GDPD5: variants seen among roughly 807,000 people sequenced by gnomAD.
GDPD5 encodes glycerophosphodiester phosphodiesterase domain containing 5, also known as glycerophosphodiester phosphodiesterase 2.
GDPD5 carries 48 observed loss-of-function variants against 75.1 expected under a neutral mutation model. The observed-to-expected ratio is 0.64, with a 90% CI of 0.51 to 0.81. The LOEUF is 0.81. Ranked by LOEUF, GDPD5 falls within the 40% of genes least tolerant of loss-of-function variation. The probability of loss-of-function intolerance (pLI) is 0.00; values close to 1 mark genes in which losing one functional copy is unlikely to be tolerated. For synonymous variants in GDPD5, 336 were observed against 339.0 expected (o/e 0.99, Z 0.10); for missense variants, 706 against 822.6 (o/e 0.86, Z 1.73).
chr11:75,462,912 G>T (rs1949444877), intron 3 of GDPD5, 23 bp from the exon 4 acceptor site: 2 of 1,591,038 alleles, frequency 1.3e-6, no homozygotes, highest in Admixed American at 3.4e-5. Context: ...AGGAGGAGGG[G>T]ATTAAGTGGG....
Position 75,477,729 on chromosome 11 carries a change from T to C in GDPD5, c.7A>G (p.Arg3Gly). 6.4e-7 allele frequency: 1 copy of C among 1,569,886 alleles called. No homozygotes were observed. The highest frequency in any genetic ancestry group is 8.7e-7 in the Non-Finnish European group (1 of 1,148,288). Residue 3 changes from arginine (R) to glycine (G), a missense_variant, in exon 3 of 17, where the codon AGA (arginine) becomes GGA (glycine). Coordinates refer to ENST00000336898, the MANE Select transcript of GDPD5 (RefSeq NM_030792.8). MV[R>G]HQPLQYYEPQ... ...TCGTAGTACTGCAGGGGCTGGTGTC[T>C]CACCATACTCGTGCCCACGGCCCTG...
chr11:75,497,680 G>A (rs993497928), intron 1 of GDPD5, among the ~76,000 whole-genome samples: 1 of 152,216 alleles, frequency 6.6e-6, no homozygotes, highest in Non-Finnish European at 1.5e-5. Context: ...TATCAGATGA[G>A]TTAATGAGTT....
At chr11:75,522,570 A>C (rs1434499207) in intron 1 of GDPD5, among the ~76,000 whole-genome samples, 1 of 151,736 alleles carries the variant, frequency 6.6e-6, no homozygotes, top group East Asian at 1.9e-4. Flanking sequence ...TGCCTGTGGG[A>C]CCATCTGGCC....
At chr11:75,522,669 C>T (rs891579324) in intron 1 of GDPD5, among the ~76,000 whole-genome samples, 12 of 152,124 alleles carry the variant, frequency 7.9e-5, no homozygotes, top group Non-Finnish European at 1.6e-4. Flanking sequence ...CCTGCCTGCC[C>T]CCCCATATCC....
intron 1 of GDPD5, among the ~76,000 whole-genome samples, chr11:75,521,580 T>C (rs148850984): frequency 6.6e-6 from 1 of 152,348 alleles, no homozygotes; most frequent in East Asian, 1.9e-4. Flanking sequence ...ATATCATCAC[T>C]GTAGTATTGT....
chr11:75,458,673 A>AAAAT (rs71036053), intron 4 of GDPD5, among the ~76,000 whole-genome samples: 47 of 147,410 alleles, frequency 3.2e-4, no homozygotes, highest in East Asian at 1.2e-3. Context: ...CTCTGTCTCA[A>AAAAT]AAATAAATAA....
chr11:75,435,531 G>C lies in GDPD5; in HGVS notation c.1794C>G (p.Thr598=). ...GPRGGGSHTK[T]LIERSGR is the part of the protein sequence containing the mutation. ...GCTAACGCCCACTCCGCTCTATGAG[G>C]GTCTTGGTGTGGCTGCCACCCCCTC... is the stretch of plus-strand genomic sequence containing the variant. Residue 598 remains threonine, a synonymous_variant, in exon 17 of 17, where the codon ACC becomes ACG. Coordinates refer to ENST00000336898, the MANE Select transcript of GDPD5 (RefSeq NM_030792.8). 6.2e-7 allele frequency: 1 copy of C among 1,611,872 alleles called. No individual in the cohort carries two copies. Among genetic ancestry groups the C allele is most frequent in the Non-Finnish European group, 8.5e-7 (1 of 1,179,068 alleles).
chr11:75,518,308 A>G (rs1244114363), intron 1 of GDPD5, among the ~76,000 whole-genome samples: 1 of 152,154 alleles, frequency 6.6e-6, no homozygotes, highest in East Asian at 1.9e-4. Flanking sequence ...CACTCCCCTC[A>G]TCTCTCCAGG....
At chr11:75,484,401 C>G (rs560998894) in intron 2 of GDPD5, among the ~76,000 whole-genome samples, 4 of 152,336 alleles carry the variant, frequency 2.6e-5, no homozygotes, top group African/African-American at 9.6e-5. Context: ...GCCCTCTCCA[C>G]TCCTACCCAG....
intron 1 of GDPD5, among the ~76,000 whole-genome samples, chr11:75,514,322 T>C (rs1218248410): frequency 6.6e-6 from 1 of 152,188 alleles, no homozygotes; most frequent in African/African-American, 2.4e-5. Context: ...GGGTCTTCAG[T>C]CAGAACTACA....
At chr11:75,450,933 A>T (rs918254376) in intron 6 of GDPD5, 5 of 152,064 alleles carry the variant, frequency 3.3e-5, no homozygotes, top group African/African-American at 1.2e-4. Flanking sequence ...CTCGTCTCCC[A>T]TCTCCCTCCA....
At chr11:75,469,596 C>T (rs1298456414) in intron 3 of GDPD5, among the ~76,000 whole-genome samples, 1 of 152,214 alleles carries the variant, frequency 6.6e-6, no homozygotes, top group African/African-American at 2.4e-5. Context: ...CAAGGTCACA[C>T]TTTGAGTCAC....
At chr11:75,444,550 C>T in intron 9 of GDPD5, 55 bp from the exon 10 acceptor site, 3 of 1,312,962 alleles carry the variant, frequency 2.3e-6, no homozygotes, top group Non-Finnish European at 3.3e-6. Flanking sequence ...TGTACCCTCC[C>T]CAGCCAATGG....
chr11:75,494,825 G>A (rs1465363092), intron 1 of GDPD5, among the ~76,000 whole-genome samples: 17 of 151,824 alleles, frequency 1.1e-4, no homozygotes, highest in African/African-American at 3.4e-4. Flanking sequence ...GGTGGCATGC[G>A]CCTGTAATCC....
chr11:75,457,240 G>A (rs1173277142), intron 5 of GDPD5, among the ~76,000 whole-genome samples: 1 of 152,230 alleles, frequency 6.6e-6, no homozygotes, highest in African/African-American at 2.4e-5. Context: ...GCCTGAAGCA[G>A]AGGCTCCTGG....
intron 1 of GDPD5, among the ~76,000 whole-genome samples, chr11:75,504,472 A>G (rs1950355093): frequency 6.6e-6 from 1 of 152,218 alleles, no homozygotes; most frequent in Non-Finnish European, 1.5e-5. Flanking sequence ...TAGCCACACA[A>G]TGGAGCAGCA....
chr11:75,449,232 G>A (rs746100269), intron 8 of GDPD5, 110 bp from the exon 9 acceptor site: 12 of 1,327,708 alleles, frequency 9.0e-6, no homozygotes, highest in Non-Finnish European at 1.2e-5. Context: ...CTAGGGGGAA[G>A]CCCTTATTCT....
chr11:75,518,851 G>A (rs758499792), intron 1 of GDPD5, among the ~76,000 whole-genome samples: 1 of 152,154 alleles, frequency 6.6e-6, no homozygotes, highest in African/African-American at 2.4e-5. Flanking sequence ...CCTCCTGGGT[G>A]AGAGAGTGAG....
intron 2 of GDPD5, among the ~76,000 whole-genome samples, chr11:75,480,202 G>T (rs2135381027): frequency 6.6e-6 from 1 of 152,178 alleles, no homozygotes; most frequent in Admixed American, 6.5e-5. Context: ...GGGCATGGTG[G>T]TGGGCACCTG....
Sources: allele counts gnomAD v4.1 joint callset (sites outside exome capture counted in the v4.1 genomes callset), GRCh38; gene constraint gnomAD v4.1.1; transcripts MANE v1.5; gene names NCBI Gene and HGNC (gene_info 2026-07-23, HGNC 2026-07-21).